Variants in MICU1 observed in about 807,000 individuals in gnomAD.
MICU1 encodes the protein mitochondrial calcium uptake 1.
A neutral mutation model predicts 56.8 loss-of-function variants in MICU1; 45 were observed. The ratio of observed to expected loss-of-function variants is 0.79; its 90% CI spans 0.62 to 1.02. The LOEUF (loss-of-function observed/expected upper bound fraction) is 1.02, where lower values mean the gene tolerates loss of function less well. Among genes scored for constraint, MICU1 ranks in the 50% least tolerant of loss-of-function variants. The probability of loss-of-function intolerance (pLI) is 0.00; values close to 1 mark genes in which losing one functional copy is unlikely to be tolerated. For synonymous variants in MICU1, 186 were observed against 195.1 expected (o/e 0.95, Z 0.39); for missense variants, 504 against 587.1 (o/e 0.86, Z 1.46).
chr10:72,468,170 C>T (rs1023345254), intron 8 of MICU1, among the ~76,000 whole-genome samples: 4 of 152,064 alleles, frequency 2.6e-5, no homozygotes, highest in African/African-American at 9.7e-5. Flanking sequence ...TTGCTAAGCA[C>T]GTGAATCCCA....
chr10:72,392,189 T>G (rs7082028), intron 10 of MICU1: 67,286 of 152,038 alleles, frequency 0.44, 18,753 homozygotes, highest in Non-Finnish European at 0.64. Flanking sequence ...TGTAACTCTG[T>G]GTGTGTGTGG....
chr10:72,400,774 C>T (rs1863425144), intron 10 of MICU1, among the ~76,000 whole-genome samples: 1 of 151,704 alleles, frequency 6.6e-6, no homozygotes, highest in African/African-American at 2.4e-5. Context: ...GACTTCAAAT[C>T]TTATATCTTT....
At chr10:72,391,882 G>T (rs949839599) in intron 10 of MICU1, 2 of 152,096 alleles carry the variant, frequency 1.3e-5, no homozygotes, top group African/African-American at 2.4e-5. Context: ...AGTTTTTGGG[G>T]AGTCTAAAGT....
At chr10:72,593,509 C>T (rs1057062857) in intron 1 of MICU1, among the ~76,000 whole-genome samples, 2 of 132,958 alleles carry the variant, frequency 1.5e-5, no homozygotes, top group African/African-American at 2.9e-5. Flanking sequence ...GGGCGACAGT[C>T]GGACTCTGTC....
chr10:72,506,934 T>C (rs990529955), intron 6 of MICU1, among the ~76,000 whole-genome samples: 10 of 152,202 alleles, frequency 6.6e-5, no homozygotes, highest in African/African-American at 2.4e-4. Flanking sequence ...TCAGACACTT[T>C]GGTGTCCCAA....
intron 1 of MICU1, among the ~76,000 whole-genome samples, chr10:72,569,239 T>TATTTA (rs1564939851): frequency 1.5e-5 from 1 of 67,980 alleles, no homozygotes. Flanking sequence ...ATATATATAT[T>TATTTA]TTTTTTTTTT....
chr10:72,570,689 A>T (rs1295215784), intron 1 of MICU1, among the ~76,000 whole-genome samples: 3 of 152,176 alleles, frequency 2.0e-5, no homozygotes, highest in Admixed American at 2.0e-4. Flanking sequence ...CCTCATATAG[A>T]CAAAATGGAA....
chr10:72,442,918 G>A lies in MICU1; in HGVS notation c.934-19547C>T, dbSNP rs375618811. On this transcript the variant is annotated intron_variant, in intron 8 of 11. Coordinates refer to ENST00000361114, the MANE Select transcript of MICU1 (RefSeq NM_001195518.2). ...ACTACAGGCACGGGCTATCATACCC[G>A]TTTAATTTTTGTATTTTTGGTAGAG... Among the ~76,000 whole-genome samples, 14 of 152,086 alleles carry A rather than the reference G, an allele frequency of 9.2e-5. 1 individual carries two copies. The highest frequency in any genetic ancestry group is 3.9e-4 in the Admixed American group (6 of 15,280).
At chr10:72,405,574 T>C (rs113320390) in intron 10 of MICU1, among the ~76,000 whole-genome samples, 5 of 87,394 alleles carry the variant, frequency 5.7e-5, no homozygotes, top group African/African-American at 1.3e-4. Flanking sequence ...GAAAAGACAT[T>C]ACAAAAAAAA....
intron 8 of MICU1, among the ~76,000 whole-genome samples, chr10:72,455,501 C>T (rs559244842): frequency 6.6e-6 from 1 of 151,804 alleles, no homozygotes; most frequent in East Asian, 1.9e-4. Flanking sequence ...GAACATAATC[C>T]TTGAATCTGG....
chr10:72,610,659 C>A (rs982108769), intron 1 of MICU1, among the ~76,000 whole-genome samples: 1 of 152,134 alleles, frequency 6.6e-6, no homozygotes, highest in Non-Finnish European at 1.5e-5. Context: ...ACAACTATTA[C>A]CAACTGACAA....
rs142057736 is a variant in MICU1, at chr10:72,543,194, T to C, written c.493+7985A>G. ...GGGGTTTTGTCAGGGACCTGCCCTG[T>C]CTGCCTAGAATTTTTCTGCCTCTTG... On this transcript the variant is annotated intron_variant, in intron 4 of 11. Coordinates refer to ENST00000361114, the MANE Select transcript of MICU1 (RefSeq NM_001195518.2). Among the ~76,000 whole-genome samples, 442 of 152,324 alleles carry C rather than the reference T, an allele frequency of 2.9e-3. 3 individuals carry two copies. Among genetic ancestry groups the C allele is most frequent in the African/African-American group, 0.01 (418 of 41,576 alleles).
chr10:72,375,900 C>T, intron 10 of MICU1, 28 bp from the exon 11 acceptor site: 1 of 1,593,684 alleles, frequency 6.3e-7, no homozygotes, highest in Non-Finnish European at 8.6e-7. Context: ...TGCATTAGCA[C>T]AGCAGAGGGA....
intron 1 of MICU1, among the ~76,000 whole-genome samples, chr10:72,604,423 A>G (rs959195651): frequency 1.3e-5 from 2 of 151,914 alleles, no homozygotes; most frequent in Non-Finnish European, 2.9e-5. Flanking sequence ...ACAGGTATGC[A>G]CCACCATGCC....
intron 2 of MICU1, among the ~76,000 whole-genome samples, chr10:72,564,544 G>GAAAAAAAAAAAAAA (rs11465166): frequency 1.9e-4 from 20 of 107,238 alleles, no homozygotes; most frequent in Non-Finnish European, 2.5e-4. Flanking sequence ...ATCTCAAAAA[G>GAAAAAAAAAAAAAA]AAAAAAAAAA....
chr10:72,619,561 A>G (rs1257805196), intron 1 of MICU1, among the ~76,000 whole-genome samples: 1 of 152,224 alleles, frequency 6.6e-6, no homozygotes, highest in Non-Finnish European at 1.5e-5. Flanking sequence ...TCAGGATATG[A>G]TGATGAATAA....
chr10:72,530,249 T>C (rs1252794085), intron 5 of MICU1, among the ~76,000 whole-genome samples: 1 of 150,622 alleles, frequency 6.6e-6, no homozygotes, highest in Non-Finnish European at 1.5e-5. Context: ...GAGAATCGCT[T>C]GGGAACCCAG....
intron 1 of MICU1, chr10:72,583,092 A>G (rs537807139): frequency 6.6e-6 from 1 of 152,338 alleles, no homozygotes; most frequent in East Asian, 1.9e-4. Flanking sequence ...CCTGTTAACA[A>G]AAAAGAAAAA....
intron 8 of MICU1, among the ~76,000 whole-genome samples, chr10:72,461,842 C>T (rs1484853004): frequency 6.6e-6 from 1 of 152,100 alleles, no homozygotes; most frequent in African/African-American, 2.4e-5. Flanking sequence ...TTCAGTTACT[C>T]GGGAGGCTGA....
Sources: gnomAD v4.1 joint callset for allele counts (sites outside exome capture counted in the v4.1 genomes callset) on GRCh38, gnomAD v4.1.1 for gene constraint, MANE v1.5 for transcripts, NCBI Gene and HGNC (gene_info 2026-07-23, HGNC 2026-07-21) for gene names.